LGI2: variants seen among roughly 807,000 people sequenced by gnomAD.
The protein encoded by LGI2 is leucine rich repeat LGI family member 2.
A neutral mutation model predicts 52.0 loss-of-function variants in LGI2; 30 were observed. That is an observed-to-expected ratio of 0.58 (90% CI 0.43 to 0.78). The LOEUF is 0.78. LGI2 is among the 30% of genes least tolerant of loss of function. The pLI, the probability that LGI2 is intolerant of heterozygous loss-of-function variation, is 0.00. For missense variants in LGI2, 573 were observed against 692.5 expected (o/e 0.83, Z 1.94); for synonymous variants, 270 against 271.8 (o/e 0.99, Z 0.06).
At position 25,000,628 on chromosome 4, in the gene LGI2, C is replaced by T. The variant is rs9998964; in HGVS notation, c.*2823G>A. Reference sequence around the variant, plus strand: ...AGGAAAGGCCTTAAAGCCACATGGCCGCACAGAGGGATCAGTCCAGGAGCC... The same window carrying T: ...AGGAAAGGCCTTAAAGCCACATGGCTGCACAGAGGGATCAGTCCAGGAGCC... On this transcript the variant is annotated 3_prime_UTR_variant, in exon 8 of 8. Transcript: ENST00000382114. 0.47 allele frequency: 72,165 copies of T among 152,024 alleles called. 17,653 individuals are homozygous for T. Among genetic ancestry groups the T allele is most frequent in the East Asian group, 0.77 (3,988 of 5,162 alleles). The allele number at this position is 152,024 out of a possible 1,614,324, so 9.4% of individuals were successfully genotyped here.
intron 4 of LGI2, among the ~76,000 whole-genome samples, chr4:25,020,478 C>T (rs985990369): frequency 1.3e-5 from 2 of 152,196 alleles, no homozygotes; most frequent in African/African-American, 4.8e-5. Context: ...CCAGGCACTG[C>T]ACTCTAATGT....
downstream of LGI2, among the ~76,000 whole-genome samples, chr4:24,994,325 C>A (rs529566183): frequency 6.6e-6 from 1 of 152,144 alleles, no homozygotes; most frequent in African/African-American, 2.4e-5. Flanking sequence ...ACAGGGAGCC[C>A]GAGCTCCCCA....
intron 6 of LGI2, among the ~76,000 whole-genome samples, chr4:25,014,145 C>T (rs557857079): frequency 6.6e-6 from 1 of 152,340 alleles, no homozygotes; most frequent in East Asian, 1.9e-4. Flanking sequence ...TCTAAGCACT[C>T]CCGTGACGCC....
At chr4:25,007,154 C>T (rs1421793706) in intron 7 of LGI2, among the ~76,000 whole-genome samples, 1 of 152,154 alleles carries the variant, frequency 6.6e-6, no homozygotes, top group Non-Finnish European at 1.5e-5. Flanking sequence ...TGCATGGATG[C>T]ACCATATTTT....
chr4:24,992,382 A>G, the LGI2 span, among the ~76,000 whole-genome samples: 1 of 152,054 alleles, frequency 6.6e-6, no homozygotes. Flanking sequence ...ATCAGTGACT[A>G]CTGGCTACTC....
At chr4:24,996,975 T>A (rs756741932), downstream of LGI2, among the ~76,000 whole-genome samples, 1 of 152,164 alleles carries the variant, frequency 6.6e-6, no homozygotes, top group African/African-American at 2.4e-5. Context: ...TGCTGGCCTC[T>A]TTTCCCCTGT....
At chr4:25,017,641 C>T (rs2324642) in intron 6 of LGI2, among the ~76,000 whole-genome samples, 51,790 of 150,632 alleles carry the variant, frequency 0.34, 10,594 homozygotes, top group East Asian at 0.69. Flanking sequence ...ACCGAGTAAT[C>T]TAAGCCTCCC....
chr4:25,030,519 C>T lies in LGI2; in HGVS notation c.175G>A (p.Val59Met). Residue 59 changes from valine (V) to methionine (M), a missense_variant, in exon 1 of 8, where the codon GTG becomes ATG. Coordinates refer to ENST00000382114, the MANE Select transcript of LGI2 (RefSeq NM_018176.4). ...CVGSSWVPRI[V>M]PGDISSLSLV... ...CACAGGGAGCTGATGTCGCCCGGCACGATCCTGGGCACCCAGGAAGAGCCC... is the reference window on the plus strand; with the variant it reads ...CACAGGGAGCTGATGTCGCCCGGCATGATCCTGGGCACCCAGGAAGAGCCC... The T allele has an allele frequency of 6.3e-7, 1 of 1,594,460 alleles. No individual in the cohort carries two copies. The highest frequency in any genetic ancestry group is 8.5e-7 in the Non-Finnish European group (1 of 1,172,296).
chr4:24,998,526 C>T (rs1725145738), downstream of LGI2, among the ~76,000 whole-genome samples: 1 of 152,202 alleles, frequency 6.6e-6, no homozygotes, highest in Admixed American at 6.5e-5. Flanking sequence ...CGAAGTCTTG[C>T]AATCTCACTT....
chr4:25,015,863 C>T (rs546402727), intron 6 of LGI2, among the ~76,000 whole-genome samples: 1 of 152,212 alleles, frequency 6.6e-6, no homozygotes, highest in East Asian at 1.9e-4. Flanking sequence ...CTTTGTTGTA[C>T]CATTTTTTTC....
Position 25,030,493 on chromosome 4 carries a change from T to C in LGI2, c.197+4A>G. On this transcript the variant is annotated splice_donor_region_variant and intron_variant, in intron 1 of 7. Coordinates refer to ENST00000382114, the MANE Select transcript of LGI2 (RefSeq NM_018176.4). ...GGGATGGGGGCTGGAGGGGTCCCAC[T>C]CACAGGGAGCTGATGTCGCCCGGCA... The C allele has an allele frequency of 6.3e-7, 1 of 1,581,846 alleles. No homozygotes were observed. The highest frequency in any genetic ancestry group is 8.6e-7 in the Non-Finnish European group (1 of 1,165,680).
At position 25,004,747 on chromosome 4, in the gene LGI2, G is replaced by C. The variant is rs1032063403; in HGVS notation, c.821-479C>G. ...CAAATCTGCCAATGTCTTGATCTTG[G>C]ACTTCCCAGGCCCAGAACTATGAGA... On this transcript the variant is annotated intron_variant, in intron 7 of 7. Coordinates refer to ENST00000382114, the MANE Select transcript of LGI2 (RefSeq NM_018176.4). This position sits in a 1 kb window ranked among gnomAD's most constrained non-coding sequence, Gnocchi z 4.6. Among the ~76,000 whole-genome samples the C allele has an allele frequency of 2.6e-5, 4 of 152,110 alleles. No individual in the cohort carries two copies. Among genetic ancestry groups the C allele is most frequent in the Non-Finnish European group, 4.4e-5 (3 of 68,024 alleles).
intron 2 of LGI2, among the ~76,000 whole-genome samples, chr4:25,027,228 T>C (rs1726180175): frequency 6.6e-6 from 1 of 152,284 alleles, no homozygotes; most frequent in East Asian, 1.9e-4. Context: ...TAAAACATTA[T>C]AATGCTCAGC....
At position 25,004,160 on chromosome 4, in the gene LGI2, G is replaced by T. The variant is rs754013481; in HGVS notation, c.929C>A (p.Thr310Asn). Reference sequence around the variant, plus strand: ...TATGTCTTGGAATTTGACAAATTTGGTCCAACTCTCGTCGTATTTGTAAAT... The same window carrying T: ...TATGTCTTGGAATTTGACAAATTTGTTCCAACTCTCGTCGTATTTGTAAAT... The part of the protein sequence containing the change: ...SHIYKYDESW[T>N]KFVKFQDIEV... Residue 310 changes from threonine (T) to asparagine (N), a missense_variant, in exon 8 of 8, where the codon ACC (threonine) becomes AAC (asparagine). Thr to Asn is a moderately conservative substitution (Grantham distance 65). Transcript: ENST00000382114. The surrounding 1 kb of genome is among the most constrained non-coding windows in gnomAD (Gnocchi z 4.6). 1 of 1,614,110 alleles carries T rather than the reference G, an allele frequency of 6.2e-7. No homozygotes were observed. Among genetic ancestry groups the T allele is most frequent in the South Asian group, 1.1e-5 (1 of 91,078 alleles).
chr4:25,013,886 T>C (rs1303050966), intron 6 of LGI2, among the ~76,000 whole-genome samples: 1 of 152,160 alleles, frequency 6.6e-6, no homozygotes, highest in Non-Finnish European at 1.5e-5. Context: ...TTCACTCCTG[T>C]TGGCACTAGC....
At chr4:24,995,222 T>C (rs1271625901), downstream of LGI2, among the ~76,000 whole-genome samples, 1 of 152,206 alleles carries the variant, frequency 6.6e-6, no homozygotes, top group Admixed American at 6.5e-5. Context: ...GGTATGTGGA[T>C]GTGTTGGTTC....
the LGI2 span, among the ~76,000 whole-genome samples, chr4:24,993,118 A>C: frequency 6.6e-6 from 1 of 152,172 alleles, no homozygotes; most frequent in Non-Finnish European, 1.5e-5. Flanking sequence ...AGAATTTGTG[A>C]GGACCAACTG....
chr4:25,027,220 A>C (rs1271375156), intron 2 of LGI2, among the ~76,000 whole-genome samples: 1 of 152,174 alleles, frequency 6.6e-6, no homozygotes, highest in East Asian at 1.9e-4. Flanking sequence ...TGTGACTTTA[A>C]AACATTATAA....
At chr4:25,025,001 G>C in intron 3 of LGI2, 110 bp from the exon 4 acceptor site, 1 of 732,164 alleles carries the variant, frequency 1.4e-6, no homozygotes, top group Non-Finnish European at 2.2e-6. Context: ...TGAATTATAA[G>C]AATTGATCTC....
Sources: allele counts gnomAD v4.1 joint callset (sites outside exome capture counted in the v4.1 genomes callset), GRCh38; gene constraint gnomAD v4.1.1; non-coding constraint Gnocchi (gnomAD v3.1); transcripts MANE v1.5; gene names NCBI Gene and HGNC (gene_info 2026-07-23, HGNC 2026-07-21).